The following MINDY2 variants were observed in gnomAD, a reference collection of about 807,000 sequenced individuals.
The protein encoded by MINDY2 is MINDY lysine 48 deubiquitinase 2.
Under a neutral mutation model 68.2 loss-of-function variants are expected in MINDY2, and 52 were observed. The ratio of observed to expected loss-of-function variants is 0.76; its 90% CI spans 0.61 to 0.96. MINDY2 has a LOEUF of 0.96. MINDY2 is among the 40% of genes least tolerant of loss of function. MINDY2 has a pLI of 0.00. For missense variants in MINDY2, 881 were observed against 773.4 expected, an observed-to-expected ratio of 1.14 and a Z score of -1.65; for synonymous variants, 372 against 303.0, an observed-to-expected ratio of 1.23 and a Z score of -2.36.
intron 2 of MINDY2, among the ~76,000 whole-genome samples, chr15:58,797,725 C>A (rs761689194): frequency 6.6e-6 from 1 of 152,152 alleles, no homozygotes; most frequent in Non-Finnish European, 1.5e-5. Flanking sequence ...CTAACCTCTT[C>A]CCTGCTCGTT....
intron 5 of MINDY2, among the ~76,000 whole-genome samples, chr15:58,828,186 TC>T (rs2031517515): frequency 6.6e-6 from 1 of 152,166 alleles, no homozygotes; most frequent in African/African-American, 2.4e-5. Context: ...TGAGCTTTTA[TC>T]TTTTCAAGTA....
At chr15:58,852,970 TAA>T (rs56286216) in intron 8 of MINDY2, among the ~76,000 whole-genome samples, 1,244 of 21,544 alleles carry the variant, frequency 0.058, 422 homozygotes, top group Middle Eastern at 0.33. Flanking sequence ...TTTTTTTTTT[TAA>T]GACAGAGTCT....
chr15:58,819,181 G>A (rs1469953417), intron 4 of MINDY2, among the ~76,000 whole-genome samples: 8 of 152,130 alleles, frequency 5.3e-5, no homozygotes, highest in African/African-American at 1.7e-4. Context: ...TTGCATGGTG[G>A]CTAACGCCTG....
At chr15:58,808,595 G>T (rs555446508) in intron 3 of MINDY2, among the ~76,000 whole-genome samples, 233 of 151,846 alleles carry the variant, frequency 1.5e-3, no homozygotes, top group Non-Finnish European at 1.9e-3. Flanking sequence ...AAAATATATG[G>T]TTTTTTTGTT....
In MINDY2 at chr15:58,854,317, G is replaced by A. The variant is rs999683337; in HGVS notation, c.1738-165G>A. Among the ~76,000 whole-genome samples, 7 of 151,884 alleles carry A rather than the reference G, an allele frequency of 4.6e-5. No individual in the cohort carries two copies. The East Asian group carries it at 5.8e-4, about 13-fold the overall frequency. On this transcript the variant is annotated intron_variant, in intron 8 of 8. Transcript: ENST00000559228. Reference sequence around the variant, plus strand: ...CATTAATTATATCCAGAATGGTAGCGGTAATGGCTCAGATACCATGTAATA... The same window carrying A: ...CATTAATTATATCCAGAATGGTAGCAGTAATGGCTCAGATACCATGTAATA...
At chr15:58,784,388 G>A (rs191545333) in intron 1 of MINDY2, among the ~76,000 whole-genome samples, 1 of 151,920 alleles carries the variant, frequency 6.6e-6, no homozygotes. Context: ...TATAGGGTAG[G>A]ACATTTTCCT....
intron 1 of MINDY2, among the ~76,000 whole-genome samples, chr15:58,779,027 AT>A (rs1468031769): frequency 6.6e-6 from 1 of 150,894 alleles, no homozygotes; most frequent in Non-Finnish European, 1.5e-5. Context: ...CTTCCAAACT[AT>A]TAAGATTACA....
At chr15:58,802,461 C>A in intron 3 of MINDY2, 84 bp downstream of exon 3, 1 of 849,534 alleles carries the variant, frequency 1.2e-6, no homozygotes, top group Non-Finnish European at 1.8e-6. Context: ...CAGCATTTTT[C>A]TATAAAGGAT....
chr15:58,802,785 A>G (rs1189740618), intron 3 of MINDY2, among the ~76,000 whole-genome samples: 1 of 152,212 alleles, frequency 6.6e-6, no homozygotes, highest in Non-Finnish European at 1.5e-5. Context: ...TGTATATGGT[A>G]TGTCATTAGG....
chr15:58,842,996 G>C (rs1436448517), intron 6 of MINDY2, among the ~76,000 whole-genome samples: 1 of 152,168 alleles, frequency 6.6e-6, no homozygotes, highest in Non-Finnish European at 1.5e-5. Flanking sequence ...CATTTGTTAA[G>C]TAGGAGTAGT....
Position 58,851,901 on chromosome 15 carries a change from C to T in MINDY2, c.1673C>T (p.Ser558Phe). 1 of 1,612,152 alleles carries T rather than the reference C, an allele frequency of 6.2e-7. No individual in the cohort carries two copies. Among genetic ancestry groups the T allele is most frequent in the Non-Finnish European group, 8.5e-7 (1 of 1,179,594 alleles). The stretch of plus-strand genomic sequence containing the variant: ...CAAGAGGAAGAGGACAGACGGGCTT[C>T]TCAATACTATCAGGAACAGGAACAA... ...KLQEEEDRRA[S>F]QYYQEQEQAA... is the part of the protein sequence containing the mutation. The change falls in exon 8 of 9, where the codon TCT becomes TTT. Residue 558 changes from serine to phenylalanine, a missense_variant. Coordinates refer to ENST00000559228, the MANE Select transcript of MINDY2 (RefSeq NM_001040450.3).
At chr15:58,839,171 G>C (rs1282165477) in intron 6 of MINDY2, among the ~76,000 whole-genome samples, 2 of 151,848 alleles carry the variant, frequency 1.3e-5, no homozygotes, top group East Asian at 1.9e-4. Flanking sequence ...TGGAATTCTA[G>C]AGATGTTTGA....
At chr15:58,832,739 C>G (rs2031801118) in intron 6 of MINDY2, among the ~76,000 whole-genome samples, 1 of 151,878 alleles carries the variant, frequency 6.6e-6, no homozygotes, top group South Asian at 2.1e-4. Context: ...GTTGGTCAGG[C>G]TGGTCTCAAA....
intron 4 of MINDY2, among the ~76,000 whole-genome samples, chr15:58,812,070 T>G (rs1347228650): frequency 2.6e-5 from 4 of 152,212 alleles, no homozygotes; most frequent in Non-Finnish European, 5.9e-5. Flanking sequence ...TGGTATGAGG[T>G]GAGAATTTAC....
chr15:58,821,013 C>A (rs1259089075), intron 4 of MINDY2, among the ~76,000 whole-genome samples: 1 of 151,230 alleles, frequency 6.6e-6, no homozygotes, highest in Admixed American at 6.6e-5. Context: ...GTAGAAACCT[C>A]TTTTTCTTCT....
chr15:58,789,255 G>T (rs1901723084), intron 2 of MINDY2, among the ~76,000 whole-genome samples: 1 of 151,774 alleles, frequency 6.6e-6, no homozygotes, highest in Non-Finnish European at 1.5e-5. Context: ...GGAGAATGGT[G>T]TGAACCCAGG....
At chr15:58,790,547 A>C (rs562435268) in intron 2 of MINDY2, among the ~76,000 whole-genome samples, 1 of 151,982 alleles carries the variant, frequency 6.6e-6, no homozygotes, top group African/African-American at 2.4e-5. Context: ...CTTTGGATTT[A>C]ATAAGAATTC....
At chr15:58,845,774 T>C (rs966223177) in intron 6 of MINDY2, among the ~76,000 whole-genome samples, 2 of 152,176 alleles carry the variant, frequency 1.3e-5, no homozygotes, top group Non-Finnish European at 2.9e-5. Context: ...CTATTCGCAA[T>C]AGCCAAGATG....
Position 58,810,215 on chromosome 15 carries a change from C to A in MINDY2, c.964-15C>A. The A allele has an allele frequency of 6.3e-7, 1 of 1,584,214 alleles. No individual in the cohort carries two copies. Among genetic ancestry groups the A allele is most frequent in the East Asian group, 2.3e-5 (1 of 44,060 alleles). On this transcript the variant is annotated splice_polypyrimidine_tract_variant and intron_variant, in intron 3 of 8. Coordinates refer to ENST00000559228, the MANE Select transcript of MINDY2 (RefSeq NM_001040450.3). ...GATGTTTCTGAATTAGAACTTTCCCCTTTTCTATTTTCAGAATATGAGTGA... is the reference window on the plus strand; with the variant it reads ...GATGTTTCTGAATTAGAACTTTCCCATTTTCTATTTTCAGAATATGAGTGA...
Sources: allele counts gnomAD v4.1 joint callset (sites outside exome capture counted in the v4.1 genomes callset), GRCh38; gene constraint gnomAD v4.1.1; transcripts MANE v1.5; gene names NCBI Gene and HGNC (gene_info 2026-07-23, HGNC 2026-07-21).